The following IGLL1 variants were observed in gnomAD, a reference collection of about 807,000 sequenced individuals.
IGLL1 encodes the protein immunoglobulin lambda like polypeptide 1.
A neutral mutation model predicts 10.5 loss-of-function variants in IGLL1; 10 were observed. The ratio of observed to expected loss-of-function variants is 0.95; its 90% CI spans 0.59 to 1.62. The LOEUF is 1.62. Ranked by LOEUF, IGLL1 falls within the 40% of genes most tolerant of loss-of-function variation. The pLI, the probability that IGLL1 is intolerant of heterozygous loss-of-function variation, is 0.00. For missense variants in IGLL1, 284 were observed against 278.7 expected (o/e 1.02, Z -0.14); for synonymous variants, 141 against 122.7 (o/e 1.15, Z -0.99).
In IGLL1 at chr22:23,573,253, C is replaced by T. The variant is rs201180487; in HGVS notation, c.*13G>A. The T allele has an allele frequency of 1.7e-5, 28 of 1,612,416 alleles. No individual in the cohort carries two copies. In the Middle Eastern group the frequency reaches 6.7e-4, roughly 38 times the overall value. On this transcript the variant is annotated 3_prime_UTR_variant, in exon 3 of 3. Transcript: ENST00000330377. ...AGCTCCAGGCCCCTTTGGGTGGGGT[C>T]GGGGCTGGGAACCTATGAACATTCT...
chr22:23,580,082 C>T lies in IGLL1; in HGVS notation c.109G>A (p.Gly37Ser). 2 of 1,571,478 alleles carry T rather than the reference C, an allele frequency of 1.3e-6. No individual in the cohort carries two copies. Among genetic ancestry groups the T allele is most frequent in the Non-Finnish European group, 8.6e-7 (1 of 1,160,848 alleles). ...GATGCAGCTGTTGGGCGCAGCAGGC[C>T]ATGGGTTACCACGGCCAGACCCAGC... is the stretch of plus-strand genomic sequence containing the variant. Reference protein sequence around the residue: ...LLLGLAVVTHGLLRPTAASQS... With the variant: ...LLLGLAVVTHSLLRPTAASQS... Residue 37 changes from glycine (G) to serine (S), a missense_variant, in exon 1 of 3, where the codon GGC becomes AGC. Coordinates refer to ENST00000330377, the MANE Select transcript of IGLL1 (RefSeq NM_020070.4).
Position 23,575,948 on chromosome 22 carries a change from C to CG in IGLL1, c.207-867_207-866insC, listed in dbSNP as rs574493153. 2.3e-3 allele frequency among the ~76,000 whole-genome samples: 200 copies of CG among 88,244 alleles called. 1 individual carries two copies. In the African/African-American group the frequency reaches 0.038, roughly 17 times the overall value. The allele number at this position is 88,244 out of a possible 152,430, so 57.9% of individuals were successfully genotyped here. A position where few individuals can be genotyped will look rare whatever the true frequency, so the allele number is the denominator to read the frequency against. The stretch of plus-strand genomic sequence containing the variant: ...CATGCCTGGCTGCTGACTCCCCAGA[C>CG]CCCACCCAGACCTCTTTCTTAGCCA... On this transcript the variant is annotated intron_variant, in intron 1 of 2. Coordinates refer to ENST00000330377, the MANE Select transcript of IGLL1 (RefSeq NM_020070.4).
At chr22:23,575,171 C>T (rs749094296) in intron 1 of IGLL1, 89 bp from the exon 2 acceptor site, 1 of 882,588 alleles carries the variant, frequency 1.1e-6, no homozygotes, top group East Asian at 2.4e-5. Context: ...AGTAGTGTCC[C>T]CCAGTAGTGT....
rs569802271 is a variant in IGLL1, at chr22:23,579,289, C to G, written c.206+696G>C. ...GTCCCAAATGCTCATAAATGGACCC[C>G]GATGCTTGGTGCTTTGTCTGGGGAC... On this transcript the variant is annotated intron_variant, in intron 1 of 2. Transcript: ENST00000330377. 2.0e-5 allele frequency among the ~76,000 whole-genome samples: 3 copies of G among 152,118 alleles called. No homozygotes were observed. In the East Asian group the frequency reaches 5.8e-4, roughly 29 times the overall value.
rs561754493 is a variant in IGLL1, at chr22:23,577,262, G to A, written c.207-2180C>T. 5.9e-4 allele frequency among the ~76,000 whole-genome samples: 89 copies of A among 152,034 alleles called. 2 individuals are homozygous for A. The South Asian group carries it at 0.017, about 29-fold the overall frequency. On this transcript the variant is annotated intron_variant, in intron 1 of 2. Transcript: ENST00000330377. ...CCTCATCTCTACAAAAAATTATGCCGGTGTGGTAGCGCATGCTTGTAGTCC... is the reference window on the plus strand; with the variant it reads ...CCTCATCTCTACAAAAAATTATGCCAGTGTGGTAGCGCATGCTTGTAGTCC...
At position 23,575,675 on chromosome 22, in the gene IGLL1, A is replaced by G. The variant is rs1276898368; in HGVS notation, c.207-593T>C. On this transcript the variant is annotated intron_variant, in intron 1 of 2. Coordinates refer to ENST00000330377, the MANE Select transcript of IGLL1 (RefSeq NM_020070.4). ...CATCCATCTACCTGTCCGTCCATCC[A>G]TAAATCCATCCTGTCTACCAGGCAC... is the stretch of plus-strand genomic sequence containing the variant. Among the ~76,000 whole-genome samples the G allele has an allele frequency of 3.9e-5, 6 of 152,256 alleles. No individual in the cohort carries two copies. In the East Asian group the frequency reaches 1.2e-3, roughly 29 times the overall value.
At chr22:23,575,263 G>A (rs1246067741) in intron 1 of IGLL1, among the ~76,000 whole-genome samples, 181 bp from the exon 2 acceptor site, 1 of 152,124 alleles carries the variant, frequency 6.6e-6, no homozygotes, top group East Asian at 1.9e-4. Context: ...TGATGGCAAC[G>A]CTGGGCCCAG....
chr22:23,575,223 G>A (rs1602289538), intron 1 of IGLL1, 141 bp from the exon 2 acceptor site: 22 of 748,054 alleles, frequency 2.9e-5, no homozygotes, highest in Admixed American at 1.8e-4. Context: ...CTGCCCCAGC[G>A]TGTGTCCCCC....
Position 23,580,029 on chromosome 22 carries a change from G to C in IGLL1, c.162C>G (p.Ala54=), listed in dbSNP as rs1282667300. ...ASQSRALGPG[A]PGGSSRSSLR... is the part of the protein sequence containing the mutation. Reference sequence around the variant, plus strand: ...GGCTGGACCGGCTGCTTCCTCCAGGGGCTCCAGGGCCCAGGGCCCTGCTCT... The same window carrying C: ...GGCTGGACCGGCTGCTTCCTCCAGGCGCTCCAGGGCCCAGGGCCCTGCTCT... The change falls in exon 1 of 3, where the codon GCC becomes GCG. Residue 54 remains alanine (A), a synonymous_variant. Transcript: ENST00000330377. 1.3e-6 allele frequency: 2 copies of C among 1,581,748 alleles called. No homozygotes were observed. Among genetic ancestry groups the C allele is most frequent in the East Asian group, 2.3e-5 (1 of 43,608 alleles).
intron 1 of IGLL1, 39 bp from the exon 2 acceptor site, chr22:23,575,121 C>T: frequency 1.4e-6 from 2 of 1,454,702 alleles, no homozygotes; most frequent in Non-Finnish European, 1.9e-6. Context: ...AGTGTGTAGG[C>T]TGTGACCCAG....
intron 1 of IGLL1, among the ~76,000 whole-genome samples, chr22:23,578,545 C>T (rs1925174836): frequency 6.6e-6 from 1 of 152,244 alleles, no homozygotes; most frequent in Non-Finnish European, 1.5e-5. Flanking sequence ...GGCCGGGCTC[C>T]TGGTGTGGGT....
Position 23,580,096 on chromosome 22 carries a change from G to A in IGLL1, c.95C>T (p.Ala32Val), listed in dbSNP as rs1220265469. ...QRWPLLLLGL[A>V]VVTHGLLRPT... is the part of the protein sequence containing the mutation. Reference sequence around the variant, plus strand: ...GCGCAGCAGGCCATGGGTTACCACGGCCAGACCCAGCAGCAGCAGGGGCCA... The same window carrying A: ...GCGCAGCAGGCCATGGGTTACCACGACCAGACCCAGCAGCAGCAGGGGCCA... The change falls in exon 1 of 3, where the codon GCC (alanine) becomes GTC (valine). Residue 32 changes from alanine (A) to valine (V), a missense_variant. Coordinates refer to ENST00000330377, the MANE Select transcript of IGLL1 (RefSeq NM_020070.4). 1.3e-6 allele frequency: 2 copies of A among 1,570,512 alleles called. No individual in the cohort carries two copies. The highest frequency in any genetic ancestry group is 1.7e-6 in the Non-Finnish European group (2 of 1,160,492).
rs1924854683 is a variant in IGLL1 at position 23,573,167 on chromosome 22, T to C, written c.*99A>G. On this transcript the variant is annotated 3_prime_UTR_variant, in exon 3 of 3. Transcript: ENST00000330377. The stretch of plus-strand genomic sequence containing the variant: ...GGGTATTTATTTAGGGTTTACTGGG[T>C]ACAGGGAGAAGGGCTGGATGGCTTG... 9.0e-7 allele frequency: 1 copy of C among 1,114,060 alleles called. No individual in the cohort carries two copies. The highest frequency in any genetic ancestry group is 1.5e-5 in the African/African-American group (1 of 64,914). The allele number at this position is 1,114,060 out of a possible 1,614,324, so 69.0% of individuals were successfully genotyped here. A position where few individuals can be genotyped will look rare whatever the true frequency, so the allele number is the denominator to read the frequency against.
intron 1 of IGLL1, among the ~76,000 whole-genome samples, chr22:23,576,343 A>G (rs1359439190): frequency 7.5e-6 from 1 of 133,782 alleles, no homozygotes; most frequent in Non-Finnish European, 1.6e-5. Flanking sequence ...CAGCCTGGCA[A>G]CAGAGCAAGA....
In IGLL1 at chr22:23,573,576, T is replaced by C. The variant is rs1569069416; in HGVS notation, c.332A>G (p.Lys111Arg). 2 of 1,613,630 alleles carry C rather than the reference T, an allele frequency of 1.2e-6. No homozygotes were observed. The highest frequency in any genetic ancestry group is 1.7e-6 in the Non-Finnish European group (2 of 1,179,640). ...GAACAGAGTGACCGAGGGGGTGGCC[T>C]TGGGCTGACCTGTGTGGACAGAGGA... ...GTQLTVLSQPKATPSVTLFPP... is the reference protein window; with the variant it reads ...GTQLTVLSQPRATPSVTLFPP... The change falls in exon 3 of 3, where the codon AAG becomes AGG. Residue 111 changes from lysine to arginine, a missense_variant. Transcript: ENST00000330377.
intron 1 of IGLL1, among the ~76,000 whole-genome samples, 183 bp from the exon 2 acceptor site, chr22:23,575,265 T>C (rs1312433398): frequency 5.9e-5 from 9 of 152,136 alleles, no homozygotes; most frequent in African/African-American, 2.2e-4. Context: ...ATGGCAACGC[T>C]GGGCCCAGTA....
At chr22:23,577,874 C>T (rs909083489) in intron 1 of IGLL1, among the ~76,000 whole-genome samples, 2 of 148,298 alleles carry the variant, frequency 1.3e-5, no homozygotes, top group Non-Finnish European at 3.0e-5. Flanking sequence ...ATTCATATCC[C>T]CCCCAGCATA....
chr22:23,575,706 G>GTA (rs1569070722), intron 1 of IGLL1, among the ~76,000 whole-genome samples: 4 of 152,146 alleles, frequency 2.6e-5, no homozygotes. Context: ...GGCACTGTGT[G>GTA]CTGGGGACAT....
chr22:23,574,200 G>A (rs139499627), intron 2 of IGLL1, among the ~76,000 whole-genome samples: 9,690 of 145,628 alleles, frequency 0.067, 1,043 homozygotes, highest in African/African-American at 0.2. Context: ...AGCCTCTGAT[G>A]CCCCTGGACT....
Sources: gnomAD v4.1 joint callset for allele counts (sites outside exome capture counted in the v4.1 genomes callset) on GRCh38, gnomAD v4.1.1 for gene constraint, MANE v1.5 for transcripts, NCBI Gene and HGNC (gene_info 2026-07-23, HGNC 2026-07-21) for gene names.